The following ANXA13 variants were observed in gnomAD, a reference collection of about 807,000 sequenced individuals.
ANXA13 encodes annexin XIII.
In ANXA13, 36 loss-of-function variants were observed where a neutral mutation model predicts 46.6. The observed-to-expected ratio is 0.77, with a 90% CI of 0.59 to 1.02. The LOEUF (loss-of-function observed/expected upper bound fraction) is 1.02. ANXA13 is among the 50% of genes least tolerant of loss of function. ANXA13 has a pLI of 0.00. For synonymous variants in ANXA13, 163 were observed against 152.9 expected (o/e 1.07, Z -0.49); for missense variants, 417 against 396.5 (o/e 1.05, Z -0.44).
At chr8:123,722,535 GA>G (rs942329338) in intron 1 of ANXA13, among the ~76,000 whole-genome samples, 1 of 152,158 alleles carries the variant, frequency 6.6e-6, no homozygotes, top group Admixed American at 6.5e-5. Flanking sequence ...TGAGAAAATA[GA>G]AAGTAAAATG....
rs371324945 is a variant in ANXA13 at position 123,712,773 on chromosome 8, A to C, written c.16-20T>G. The C allele has an allele frequency of 9.3e-6, 15 of 1,610,676 alleles. No homozygotes were observed. Among genetic ancestry groups the C allele is most frequent in the Non-Finnish European group, 1.2e-5 (14 of 1,176,990 alleles). ...TTTAGCCTGGAGAAAATAATTGAAAAGGTGAGATGACAATATACGCATTCC... is the reference window on the plus strand; with the variant it reads ...TTTAGCCTGGAGAAAATAATTGAAACGGTGAGATGACAATATACGCATTCC... On this transcript the variant is annotated intron_variant, in intron 1 of 10. Coordinates refer to ENST00000419625, the MANE Select transcript of ANXA13 (RefSeq NM_004306.4).
rs1210961301 is a variant in ANXA13, at chr8:123,693,245, G to T, written c.594C>A (p.Ala198=). Residue 198 remains alanine (A), a synonymous_variant, in exon 8 of 11, where the codon GCC becomes GCA. Coordinates refer to ENST00000419625, the MANE Select transcript of ANXA13 (RefSeq NM_004306.4). The part of the protein sequence containing the change: ...TDELAFNEVL[A]KRSYKQLRAT... Reference sequence around the variant, plus strand: ...CTCGTAACTGCTTGTAGCTCCTCTTGGCCAGGACTTCATTGAACGCAAGCT... The same window carrying T: ...CTCGTAACTGCTTGTAGCTCCTCTTTGCCAGGACTTCATTGAACGCAAGCT... 1 of 1,613,942 alleles carries T rather than the reference G, an allele frequency of 6.2e-7. No individual in the cohort carries two copies. The highest frequency in any genetic ancestry group is 1.7e-5 in the Admixed American group (1 of 59,980).
chr8:123,705,136 T>C (rs1813516965), intron 2 of ANXA13, among the ~76,000 whole-genome samples: 2 of 152,220 alleles, frequency 1.3e-5, no homozygotes, highest in African/African-American at 4.8e-5. Context: ...CCCATCAGTC[T>C]TTTTTACTCT....
At chr8:123,693,842 CA>C (rs201263416) in intron 6 of ANXA13, 63 bp from the exon 7 acceptor site, 26 of 1,426,218 alleles carry the variant, frequency 1.8e-5, no homozygotes, top group African/African-American at 7.1e-5. Context: ...AACAAACTAA[CA>C]AAAAAAACAA....
intron 4 of ANXA13, 63 bp downstream of exon 4, chr8:123,698,326 G>A (rs546044717): frequency 1.3e-6 from 2 of 1,562,014 alleles, no homozygotes; most frequent in Admixed American, 1.7e-5. Flanking sequence ...GGTCCCTTCT[G>A]GGGGGCTGCA....
intron 6 of ANXA13, among the ~76,000 whole-genome samples, chr8:123,695,143 T>C (rs931186901): frequency 6.6e-6 from 1 of 152,078 alleles, no homozygotes; most frequent in Non-Finnish European, 1.5e-5. Context: ...TCAGATAGTC[T>C]GGTTCTTGCT....
chr8:123,731,633 G>A (rs1426216184), intron 1 of ANXA13, among the ~76,000 whole-genome samples: 1 of 152,076 alleles, frequency 6.6e-6, no homozygotes, highest in African/African-American at 2.4e-5. Flanking sequence ...CAGCACTTTG[G>A]GAGGCTGAGG....
chr8:123,681,624 T>TA (rs1335419263), intron 10 of ANXA13, among the ~76,000 whole-genome samples: 1 of 148,944 alleles, frequency 6.7e-6, no homozygotes, highest in East Asian at 2.0e-4. Context: ...AATTTCTTTT[T>TA]TTTTTTTTTT....
At chr8:123,683,424 C>CTTTT (rs35546652) in intron 10 of ANXA13, among the ~76,000 whole-genome samples, 12 of 114,546 alleles carry the variant, frequency 1.0e-4, no homozygotes, top group African/African-American at 2.4e-4. Flanking sequence ...CATTTAACCA[C>CTTTT]TTTTTTTTTT....
chr8:123,687,939 T>A (rs943712312), intron 9 of ANXA13, among the ~76,000 whole-genome samples: 5 of 152,246 alleles, frequency 3.3e-5, no homozygotes, highest in African/African-American at 9.6e-5. Flanking sequence ...AATCAGGATC[T>A]GATCTCCCTC....
At chr8:123,682,995 C>G (rs1813066465) in intron 10 of ANXA13, among the ~76,000 whole-genome samples, 1 of 152,142 alleles carries the variant, frequency 6.6e-6, no homozygotes, top group African/African-American at 2.4e-5. Flanking sequence ...AATCCTGGGT[C>G]TTCATTGTGT....
At chr8:123,713,371 T>A (rs1227167408) in intron 1 of ANXA13, among the ~76,000 whole-genome samples, 1 of 152,224 alleles carries the variant, frequency 6.6e-6, no homozygotes. Context: ...CATGCACTAT[T>A]GCATCCACAG....
chr8:123,684,550 C>T, intron 10 of ANXA13, 60 bp downstream of exon 10: 1 of 1,146,488 alleles, frequency 8.7e-7, no homozygotes, highest in Non-Finnish European at 1.3e-6. Context: ...TTGTTGATGA[C>T]ATCAGTGGTG....
At chr8:123,725,442 G>A (rs796365735) in intron 1 of ANXA13, among the ~76,000 whole-genome samples, 9 of 152,210 alleles carry the variant, frequency 5.9e-5, no homozygotes, top group South Asian at 2.1e-4. Context: ...ACCTCTAACC[G>A]GTTACTCATT....
At chr8:123,698,764 G>A (rs1001418105) in intron 3 of ANXA13, among the ~76,000 whole-genome samples, 2 of 152,176 alleles carry the variant, frequency 1.3e-5, no homozygotes, top group Non-Finnish European at 1.5e-5. Flanking sequence ...GCAGAGAGGA[G>A]CTCCCTGCTC....
At chr8:123,709,197 C>T (rs1193581802) in intron 2 of ANXA13, among the ~76,000 whole-genome samples, 2 of 152,198 alleles carry the variant, frequency 1.3e-5, no homozygotes, top group South Asian at 2.1e-4. Flanking sequence ...GATCCACATG[C>T]AACGAGGGCC....
chr8:123,728,659 A>G (rs2129942228), intron 1 of ANXA13: 1 of 152,318 alleles, frequency 6.6e-6, no homozygotes, highest in South Asian at 2.1e-4. Context: ...TGCAGTCAAC[A>G]GTATGTGGAC....
chr8:123,723,403 G>A (rs1442574646), intron 1 of ANXA13, among the ~76,000 whole-genome samples: 5 of 152,212 alleles, frequency 3.3e-5, no homozygotes, highest in Non-Finnish European at 7.3e-5. Context: ...GTGGTGTGCT[G>A]AAGCTAAACT....
At chr8:123,702,286 T>A (rs921001044) in intron 3 of ANXA13, among the ~76,000 whole-genome samples, 2 of 152,150 alleles carry the variant, frequency 1.3e-5, no homozygotes, top group African/African-American at 4.8e-5. Context: ...TAACAATCGC[T>A]TATGAAAAAT....
Sources: gnomAD v4.1 joint callset for allele counts (sites outside exome capture counted in the v4.1 genomes callset) on GRCh38, gnomAD v4.1.1 for gene constraint, MANE v1.5 for transcripts, NCBI Gene and HGNC (gene_info 2026-07-23, HGNC 2026-07-21) for gene names.